Variants in UBAC2 observed in about 807,000 individuals in gnomAD.
UBAC2 encodes ubiquitin-associated domain-containing protein 2.
UBAC2 carries 26 observed loss-of-function variants against 44.0 expected under a neutral mutation model. The observed-to-expected ratio is 0.59, with a 90% CI of 0.43 to 0.82. The LOEUF (loss-of-function observed/expected upper bound fraction) is 0.82, where lower values mean the gene tolerates loss of function less well. Ranked by LOEUF, UBAC2 falls within the 40% of genes least tolerant of loss-of-function variation. UBAC2 has a pLI of 0.00. For synonymous variants in UBAC2, 155 were observed against 154.3 expected (o/e 1.00, Z -0.04); for missense variants, 329 against 419.4 (o/e 0.78, Z 1.88).
intron 4 of UBAC2, among the ~76,000 whole-genome samples, chr13:99,256,111 C>T (rs1295266919): frequency 6.6e-6 from 1 of 152,028 alleles, no homozygotes; most frequent in Non-Finnish European, 1.5e-5. Context: ...CAGCTATAGC[C>T]CCACTGTCTA....
intron 1 of UBAC2, among the ~76,000 whole-genome samples, chr13:99,204,666 C>T (rs1212056937): frequency 6.6e-6 from 1 of 151,398 alleles, no homozygotes; most frequent in African/African-American, 2.5e-5. Context: ...TCAAAACGGG[C>T]CTGAAGCGCG....
At chr13:99,293,494 T>C (rs1376257564) in intron 4 of UBAC2, among the ~76,000 whole-genome samples, 2 of 152,232 alleles carry the variant, frequency 1.3e-5, no homozygotes, top group African/African-American at 4.8e-5. Context: ...CTCAGATGAC[T>C]ACCTAAGTGC....
chr13:99,217,447 A>C (rs2043009958), intron 1 of UBAC2, among the ~76,000 whole-genome samples: 2 of 152,330 alleles, frequency 1.3e-5, no homozygotes, highest in South Asian at 4.1e-4. Context: ...GGCTATGCTG[A>C]AACTCTGTGG....
intron 1 of UBAC2, among the ~76,000 whole-genome samples, chr13:99,223,944 A>G (rs761417687): frequency 4.6e-4 from 70 of 152,154 alleles, no homozygotes; most frequent in Non-Finnish European, 5.4e-4. Flanking sequence ...ACTTGAAAAA[A>G]TGTGTAACTT....
At chr13:99,204,219 A>C (rs1566444653) in intron 1 of UBAC2, among the ~76,000 whole-genome samples, 1 of 152,210 alleles carries the variant, frequency 6.6e-6, no homozygotes, top group African/African-American at 2.4e-5. Flanking sequence ...TTTTTAAAAA[A>C]GAACGTTTGT....
chr13:99,222,184 C>G (rs906275106), intron 1 of UBAC2, among the ~76,000 whole-genome samples: 1 of 151,970 alleles, frequency 6.6e-6, no homozygotes, highest in African/African-American at 2.4e-5. Flanking sequence ...AGGAGACGGA[C>G]AAAGAAGCAA....
intron 4 of UBAC2, among the ~76,000 whole-genome samples, chr13:99,282,991 C>T (rs752988727): frequency 5.9e-5 from 9 of 152,150 alleles, no homozygotes; most frequent in Non-Finnish European, 1.0e-4. Flanking sequence ...GAATAGGCAT[C>T]CCTGTTTTGG....
rs748740025 is a variant in UBAC2, at chr13:99,385,235, G to A, written c.935G>A (p.Arg312Gln). The A allele has an allele frequency of 6.2e-6, 10 of 1,613,952 alleles. 1 individual carries two copies. The highest frequency in any genetic ancestry group is 4.4e-5 in the South Asian group (4 of 91,078). ...CGTTTTCTCTGCCTGCAGGTCGCCC[G>A]GCTCATGGAGATGGGATTTTCCAGA... ...PLEVSEEQVA[R>Q]LMEMGFSRGD... is the part of the protein sequence containing the mutation. Residue 312 changes from arginine (R) to glutamine (Q), a missense_variant, in exon 9 of 9, where the codon CGG (arginine) becomes CAG (glutamine). Arg to Gln is a conservative substitution (Grantham distance 43, BLOSUM62 1). Coordinates refer to ENST00000403766, the MANE Select transcript of UBAC2 (RefSeq NM_001144072.2).
At position 99,234,202 on chromosome 13, in the gene UBAC2, A is replaced by G. The variant is rs1230356701; in HGVS notation, c.32-4225A>G. Among the ~76,000 whole-genome samples, 10 of 56,630 alleles carry G rather than the reference A, an allele frequency of 1.8e-4. No homozygotes were observed. The Admixed American group carries it at 2.9e-3, about 16-fold the overall frequency. 37.2% of individuals were successfully genotyped at this position (56,630 alleles called of 152,430 possible). On this transcript the variant is annotated intron_variant, in intron 1 of 8. Coordinates refer to ENST00000403766, the MANE Select transcript of UBAC2 (RefSeq NM_001144072.2). ...TTTTTTTTTTTTTTTTTTTTTTTTG[A>G]GATGGAGTCTCACTCTGTCGCCCAG... is the stretch of plus-strand genomic sequence containing the variant.
chr13:99,226,872 C>T (rs899285687), intron 1 of UBAC2, among the ~76,000 whole-genome samples: 1 of 152,162 alleles, frequency 6.6e-6, no homozygotes, highest in Non-Finnish European at 1.5e-5. Flanking sequence ...ATCCACATTA[C>T]AAGAAGGTTT....
intron 6 of UBAC2, among the ~76,000 whole-genome samples, chr13:99,327,175 G>T (rs1291548372): frequency 1.3e-5 from 2 of 152,066 alleles, no homozygotes; most frequent in Non-Finnish European, 2.9e-5. Flanking sequence ...TTCTTGCATT[G>T]TCATACTCAA....
chr13:99,333,943 A>T (rs938331546), intron 6 of UBAC2, among the ~76,000 whole-genome samples: 2 of 152,096 alleles, frequency 1.3e-5, no homozygotes, highest in African/African-American at 4.8e-5. Context: ...TAATTTATTT[A>T]AAAACCTGAT....
chr13:99,213,962 G>A (rs2042962772), intron 1 of UBAC2, among the ~76,000 whole-genome samples: 1 of 152,008 alleles, frequency 6.6e-6, no homozygotes, highest in Non-Finnish European at 1.5e-5. Flanking sequence ...GGGATTACAG[G>A]TGTGCACCAC....
chr13:99,360,907 CCG>C (rs2045256692), intron 7 of UBAC2, among the ~76,000 whole-genome samples: 1 of 152,182 alleles, frequency 6.6e-6, no homozygotes, highest in African/African-American at 2.4e-5. Context: ...AAGGATGAGA[CCG>C]CGTGCCTGGC....
At chr13:99,243,457 A>C (rs1035927235) in intron 2 of UBAC2, among the ~76,000 whole-genome samples, 4 of 152,102 alleles carry the variant, frequency 2.6e-5, no homozygotes, top group African/African-American at 9.7e-5. Context: ...TTTCAGTTAC[A>C]ACTTTGTCTT....
intron 6 of UBAC2, among the ~76,000 whole-genome samples, chr13:99,319,909 T>G (rs2044546014): frequency 6.6e-6 from 1 of 152,346 alleles, no homozygotes; most frequent in Middle Eastern, 3.4e-3. Context: ...CCTGAGGATG[T>G]ACTGTTTGTT....
intron 2 of UBAC2, 119 bp downstream of exon 2, chr13:99,238,673 T>A: frequency 4.6e-6 from 4 of 878,800 alleles, no homozygotes; most frequent in Non-Finnish European, 6.2e-6. Flanking sequence ...AAGAAATATT[T>A]ATTATTAATA....
At chr13:99,317,868 T>C (rs2044513648) in intron 5 of UBAC2, among the ~76,000 whole-genome samples, 154 bp from the exon 6 acceptor site, 1 of 152,170 alleles carries the variant, frequency 6.6e-6, no homozygotes, top group Non-Finnish European at 1.5e-5. Context: ...AAGTAACAGT[T>C]GATATTTACT....
chr13:99,315,674 T>C (rs1309686946), intron 5 of UBAC2, among the ~76,000 whole-genome samples: 1 of 152,178 alleles, frequency 6.6e-6, no homozygotes, highest in Non-Finnish European at 1.5e-5. Context: ...ACAGAGGTAT[T>C]TTAAAGATAG....
Sources: gnomAD v4.1 joint callset for allele counts (sites outside exome capture counted in the v4.1 genomes callset) on GRCh38, gnomAD v4.1.1 for gene constraint, MANE v1.5 for transcripts, NCBI Gene and HGNC (gene_info 2026-07-23, HGNC 2026-07-21) for gene names.